Variants in KHDC1 observed in about 807,000 individuals in gnomAD.
KHDC1 encodes KH homology domain-containing protein 1.
KHDC1 carries 21 observed loss-of-function variants against 24.7 expected under a neutral mutation model. The ratio of observed to expected loss-of-function variants is 0.85; its 90% CI spans 0.60 to 1.23. The LOEUF is 1.23. KHDC1 is among the 50% of genes most tolerant of loss of function. KHDC1 has a pLI of 0.00. For synonymous variants in KHDC1, 98 were observed against 111.7 expected (o/e 0.88, Z 0.77); for missense variants, 274 against 298.5 (o/e 0.92, Z 0.61).
intron 2 of KHDC1, among the ~76,000 whole-genome samples, chr6:73,247,170 G>T (rs999927527): frequency 2.0e-5 from 3 of 151,772 alleles, no homozygotes; most frequent in Non-Finnish European, 4.4e-5. Context: ...TAGAGACGGG[G>T]TTTCACCATG....
At chr6:73,295,872 T>C (rs1490783463) in intron 1 of KHDC1, among the ~76,000 whole-genome samples, 1 of 149,476 alleles carries the variant, frequency 6.7e-6, no homozygotes, top group Non-Finnish European at 1.5e-5. Context: ...CGGGGCACGG[T>C]GGCTCACGCC....
At chr6:73,259,280 C>CTTTTTTTTTTTGTTTTTTTTTTTTTTT (rs1766936112) in intron 2 of KHDC1, among the ~76,000 whole-genome samples, 1 of 73,238 alleles carries the variant, frequency 1.4e-5, no homozygotes, top group Non-Finnish European at 2.4e-5. Flanking sequence ...ATCCAATATG[C>CTTTTTTTTTTTGTTTTTTTTTTTTTTT]TTTTTTTTTT....
chr6:73,244,525 CT>C (rs1242650321), intron 2 of KHDC1, among the ~76,000 whole-genome samples: 1 of 152,042 alleles, frequency 6.6e-6, no homozygotes, highest in Non-Finnish European at 1.5e-5. Context: ...AGAAGAAAAT[CT>C]GCCTTTTGAA....
At chr6:73,292,700 A>G in intron 1 of KHDC1, 1 of 749,530 alleles carries the variant, frequency 1.3e-6, no homozygotes, top group South Asian at 1.4e-5. Context: ...GTGTCCACAC[A>G]TTCTTCACTA....
chr6:73,285,669 A>G (rs967651537), intron 2 of KHDC1, among the ~76,000 whole-genome samples: 1 of 124,120 alleles, frequency 8.1e-6, no homozygotes, highest in Non-Finnish European at 1.7e-5. Context: ...TTTTTTTATT[A>G]TACTCTAAGT....
exon 1 of KHDC1, chr6:73,309,714 T>A (rs1327506596): frequency 6.5e-7 from 1 of 1,549,844 alleles, no homozygotes; most frequent in Admixed American, 2.0e-5. Flanking sequence ...GCCGACAGCA[T>A]TTCGCGTTTC....
intron 1 of KHDC1, among the ~76,000 whole-genome samples, chr6:73,302,560 G>A (rs1468873041): frequency 1.3e-5 from 2 of 152,170 alleles, no homozygotes; most frequent in Admixed American, 1.3e-4. Flanking sequence ...GGGTAGTACT[G>A]TACCTTTTAT....
chr6:73,303,756 T>C (rs1767915708), intron 1 of KHDC1, among the ~76,000 whole-genome samples: 1 of 152,118 alleles, frequency 6.6e-6, no homozygotes, highest in South Asian at 2.1e-4. Flanking sequence ...TAAGAAACTG[T>C]GAAAGATGAG....
At chr6:73,295,413 G>A (rs150634929) in intron 1 of KHDC1, among the ~76,000 whole-genome samples, 2,067 of 152,184 alleles carry the variant, frequency 0.014, 44 homozygotes, top group African/African-American at 0.047. Context: ...CACTAATAAC[G>A]AATCTAGGTC....
intron 1 of KHDC1, chr6:73,309,488 A>G: frequency 1.4e-6 from 2 of 1,448,266 alleles, no homozygotes; most frequent in Non-Finnish European, 1.8e-6. Flanking sequence ...CGGAAGCGAA[A>G]CTCGCCTTTC....
chr6:73,289,611 C>T (rs1461210793), intron 2 of KHDC1, among the ~76,000 whole-genome samples: 2 of 151,986 alleles, frequency 1.3e-5, no homozygotes, highest in African/African-American at 2.4e-5. Flanking sequence ...GATCACGCCA[C>T]TGCACTCCAG....
In KHDC1 at chr6:73,292,261, G is replaced by T. The variant is rs144286780; in HGVS notation, c.164-221C>A. 9.8e-5 allele frequency: 132 copies of T among 1,347,662 alleles called. No homozygotes were observed. The African/African-American group carries it at 1.9e-3, about 19-fold the overall frequency. 83.5% of individuals were successfully genotyped at this position (1,347,662 alleles called of 1,614,324 possible). On this transcript the variant is annotated intron_variant, in intron 1 of 4. Coordinates refer to ENST00000370384, the Ensembl canonical transcript of KHDC1. ...TGAAAATGTTTGAAGATCCAGAAACGACAAGGCAAATGCGGTCAACCAGGG... is the reference window on the plus strand; with the variant it reads ...TGAAAATGTTTGAAGATCCAGAAACTACAAGGCAAATGCGGTCAACCAGGG...
chr6:73,266,645 T>G (rs1767081825), intron 2 of KHDC1, among the ~76,000 whole-genome samples: 1 of 152,180 alleles, frequency 6.6e-6, no homozygotes, highest in Non-Finnish European at 1.5e-5. Context: ...AAGACCTAAA[T>G]GTAAAACTGT....
At chr6:73,253,552 CAA>C (rs58976017) in intron 2 of KHDC1, among the ~76,000 whole-genome samples, 1 of 138,356 alleles carries the variant, frequency 7.2e-6, no homozygotes, top group African/African-American at 2.7e-5. Flanking sequence ...GAGTCCGTCT[CAA>C]AAAAAAAAAT....
intron 1 of KHDC1, chr6:73,299,652 A>G (rs1043985475): frequency 6.6e-6 from 1 of 152,632 alleles, no homozygotes; most frequent in Non-Finnish European, 1.5e-5. Flanking sequence ...GGGGCTCGGG[A>G]TTGCACGCCT....
chr6:73,252,641 T>C (rs1413733335), intron 2 of KHDC1, among the ~76,000 whole-genome samples: 2 of 151,604 alleles, frequency 1.3e-5, no homozygotes, highest in South Asian at 2.1e-4. Flanking sequence ...CAAAACCCCA[T>C]TTCTTCAAAA....
chr6:73,254,290 A>C (rs1319156186), intron 2 of KHDC1, among the ~76,000 whole-genome samples: 1 of 151,498 alleles, frequency 6.6e-6, no homozygotes, highest in Non-Finnish European at 1.5e-5. Context: ...GAGAAACCCC[A>C]TCTCTACTAA....
At chr6:73,263,007 G>A (rs1767009671) in intron 2 of KHDC1, 2 of 1,016,908 alleles carry the variant, frequency 2.0e-6, no homozygotes, top group East Asian at 1.0e-4. Flanking sequence ...GGTGAGGGTG[G>A]CGCGCCGCAG....
chr6:73,284,901 G>C (rs187290342), intron 2 of KHDC1, among the ~76,000 whole-genome samples: 63 of 152,148 alleles, frequency 4.1e-4, no homozygotes, highest in African/African-American at 1.4e-3. Flanking sequence ...CTGGAATGCA[G>C]TGGCGCAATC....
Sources: gnomAD v4.1 joint callset for allele counts (sites outside exome capture counted in the v4.1 genomes callset) on GRCh38, gnomAD v4.1.1 for gene constraint, MANE v1.5 for transcripts, NCBI Gene and HGNC (gene_info 2026-07-23, HGNC 2026-07-21) for gene names.